FOXK1: variants seen among roughly 807,000 people sequenced by gnomAD.
FOXK1 encodes forkhead box K1, also known as forkhead box protein K1.
A neutral mutation model predicts 51.9 loss-of-function variants in FOXK1; 19 were observed. The ratio of observed to expected loss-of-function variants is 0.37; its 90% CI spans 0.26 to 0.54. The LOEUF (loss-of-function observed/expected upper bound fraction) is 0.54, where lower values mean the gene tolerates loss of function less well. Among genes scored for constraint, FOXK1 ranks in the 20% least tolerant of loss-of-function variants. FOXK1 has a pLI of 0.87. For missense variants in FOXK1, 870 were observed against 1,032.7 expected (o/e 0.84, Z 2.16); for synonymous variants, 537 against 482.6 (o/e 1.11, Z -1.48).
At chr7:4,685,683 C>T (rs1779810165) in intron 1 of FOXK1, among the ~76,000 whole-genome samples, 2 of 151,996 alleles carry the variant, frequency 1.3e-5, no homozygotes, top group Non-Finnish European at 2.9e-5. Context: ...AGCCTCACGC[C>T]TGTAATCTCA....
chr7:4,691,272 T>G (rs763459973), intron 1 of FOXK1, among the ~76,000 whole-genome samples: 5 of 152,206 alleles, frequency 3.3e-5, no homozygotes, highest in Non-Finnish European at 7.3e-5. Context: ...GTTTCATCAT[T>G]AAATCATGAA....
In FOXK1 at chr7:4,734,391, G is replaced by T. The variant is rs150809108; in HGVS notation, c.561-6447G>T. 6.6e-6 allele frequency among the ~76,000 whole-genome samples: 1 copy of T among 152,308 alleles called. No homozygotes were observed. Among genetic ancestry groups the T allele is most frequent in the Non-Finnish European group, 1.5e-5 (1 of 68,028 alleles). On this transcript the variant is annotated intron_variant, in intron 1 of 8. Transcript: ENST00000328914. This position sits in a 1 kb window ranked among gnomAD's most constrained non-coding sequence, Gnocchi z 5.2. ...TTGTGGTCCTGGCCTTGGTGGGCAG[G>T]TGCAGGGCCCGCTCCCTCCTTGGGA...
intron 1 of FOXK1, among the ~76,000 whole-genome samples, chr7:4,714,338 G>A (rs1161007751): frequency 6.6e-6 from 1 of 152,128 alleles, no homozygotes; most frequent in Non-Finnish European, 1.5e-5. Flanking sequence ...GAGTGCAATG[G>A]CGCGATCTCA....
Position 4,755,441 on chromosome 7 carries a change from A to C in FOXK1, c.1050+58A>C. ...TGAAGGCCCTTAGAACATGGAACTC[A>C]CAGGCATATTGCTTCCCTTAAAACA... On this transcript the variant is annotated intron_variant, in intron 4 of 8. Transcript: ENST00000328914. This position sits in a 1 kb window ranked among gnomAD's most constrained non-coding sequence, Gnocchi z 6.6. The C allele has an allele frequency of 3.1e-6, 5 of 1,592,880 alleles. No homozygotes were observed. The highest frequency in any genetic ancestry group is 4.3e-6 in the Non-Finnish European group (5 of 1,167,112).
At position 4,682,781 on chromosome 7, in the gene FOXK1, T is replaced by C. The variant is rs1431546988; in HGVS notation, c.473T>C (p.Phe158Ser). 1 of 1,593,858 alleles carries C rather than the reference T, an allele frequency of 6.3e-7. No homozygotes were observed. Among genetic ancestry groups the C allele is most frequent in the Non-Finnish European group, 8.5e-7 (1 of 1,176,164 alleles). The change falls in exon 1 of 9, where the codon TTC becomes TCC. Residue 158 changes from phenylalanine (F) to serine (S), a missense_variant. Phe to Ser is a radical substitution (Grantham distance 155). Coordinates refer to ENST00000328914, the MANE Select transcript of FOXK1 (RefSeq NM_001037165.2). The surrounding 1 kb of genome is among the most constrained non-coding windows in gnomAD (Gnocchi z 7.6). ...HLQLSFQEPH[F>S]YLRCLGKNGV... Reference sequence around the variant, plus strand: ...CAGCTCAGCTTCCAGGAGCCGCACTTCTACCTGCGCTGCCTCGGCAAGAAC... The same window carrying C: ...CAGCTCAGCTTCCAGGAGCCGCACTCCTACCTGCGCTGCCTCGGCAAGAAC...
In FOXK1 at chr7:4,747,321, C is replaced by T. The variant is rs1020827172; in HGVS notation, c.746+6298C>T. 1.8e-4 allele frequency among the ~76,000 whole-genome samples: 28 copies of T among 152,160 alleles called. No individual in the cohort carries two copies. The highest frequency in any genetic ancestry group is 2.9e-4 in the Non-Finnish European group (20 of 68,038). ...GAGGCGCCTGCAGACACGGAGCTGACCCCGGAACCTGCCTAGCTGCGGGGC... is the reference window on the plus strand; with the variant it reads ...GAGGCGCCTGCAGACACGGAGCTGATCCCGGAACCTGCCTAGCTGCGGGGC... On this transcript the variant is annotated intron_variant, in intron 2 of 8. Transcript: ENST00000328914. This position sits in a 1 kb window ranked among gnomAD's most constrained non-coding sequence, Gnocchi z 9.2.
At chr7:4,687,433 C>T (rs985504617) in intron 1 of FOXK1, among the ~76,000 whole-genome samples, 2 of 151,908 alleles carry the variant, frequency 1.3e-5, no homozygotes, top group Non-Finnish European at 2.9e-5. Flanking sequence ...GCTGGGATTA[C>T]AGGCGCACGT....
intron 1 of FOXK1, among the ~76,000 whole-genome samples, chr7:4,702,125 A>C (rs1780028461): frequency 6.6e-6 from 1 of 152,048 alleles, no homozygotes; most frequent in East Asian, 1.9e-4. Context: ...TATTGTACCC[A>C]CTAAGAATCC....
intron 1 of FOXK1, among the ~76,000 whole-genome samples, chr7:4,736,512 A>C (rs1437733399): frequency 6.6e-6 from 1 of 151,518 alleles, no homozygotes; most frequent in Non-Finnish European, 1.5e-5. Flanking sequence ...TCCTGGGTTC[A>C]AGCAATTCTC....
chr7:4,751,252 C>T (rs1221254561), intron 2 of FOXK1, among the ~76,000 whole-genome samples: 1 of 151,566 alleles, frequency 6.6e-6, no homozygotes, highest in Non-Finnish European at 1.5e-5. Context: ...CTCTCCTGAC[C>T]TCATGATCCA....
intron 1 of FOXK1, among the ~76,000 whole-genome samples, chr7:4,685,049 T>G (rs1470837557): frequency 6.6e-6 from 1 of 152,034 alleles, no homozygotes; most frequent in African/African-American, 2.4e-5. Context: ...GCATTAGATG[T>G]GCGTGAAGTG....
chr7:4,738,888 A>C (rs1780592920), intron 1 of FOXK1, among the ~76,000 whole-genome samples: 1 of 152,176 alleles, frequency 6.6e-6, no homozygotes, highest in Admixed American at 6.5e-5. Flanking sequence ...CCTGGCTAGC[A>C]GACCTATGGG....
rs200522707 is a variant in FOXK1 at position 4,756,110 on chromosome 7, T to TTTTG, written c.1050+743_1050+746dup. Among the ~76,000 whole-genome samples, 27 of 152,120 alleles carry TTTTG rather than the reference T, an allele frequency of 1.8e-4. No individual in the cohort carries two copies. The highest frequency in any genetic ancestry group is 3.4e-4 in the African/African-American group (14 of 41,420). ...TGTAGCGCATCCACTAGCTTTGGTT[T>TTTTG]TTTGTTTGTTTGTTTGTTTTTTGAG... On this transcript the variant is annotated intron_variant, in intron 4 of 8. Coordinates refer to ENST00000328914, the MANE Select transcript of FOXK1 (RefSeq NM_001037165.2). The surrounding 1 kb of genome is among the most constrained non-coding windows in gnomAD (Gnocchi z 4.1).
At chr7:4,760,992 G>C in intron 7 of FOXK1, 72 bp from the exon 8 acceptor site, 1 of 1,455,754 alleles carries the variant, frequency 6.9e-7, no homozygotes, top group South Asian at 1.2e-5. Flanking sequence ...TGTCCGACCT[G>C]CTGCCCAGGC....
intron 1 of FOXK1, among the ~76,000 whole-genome samples, chr7:4,685,752 G>A (rs1444184518): frequency 7.9e-5 from 12 of 151,948 alleles, no homozygotes; most frequent in African/African-American, 2.7e-4. Flanking sequence ...AGACCACCCT[G>A]GCCAATGTGG....
Position 4,755,061 on chromosome 7 carries a change from G to T in FOXK1, c.904-176G>T. 4.2e-6 allele frequency: 3 copies of T among 716,136 alleles called. No homozygotes were observed. The highest frequency in any genetic ancestry group is 4.3e-5 in the South Asian group (2 of 46,524). 44.4% of individuals were successfully genotyped at this position (716,136 alleles called of 1,614,324 possible). A position where few individuals can be genotyped will look rare whatever the true frequency, so the allele number is the denominator to read the frequency against. ...TTTTCCTTCCCATGAGGCAAAAATG[G>T]TTGTTCCTAGTTGAATGCAAGCACA... On this transcript the variant is annotated intron_variant, in intron 3 of 8. Coordinates refer to ENST00000328914, the MANE Select transcript of FOXK1 (RefSeq NM_001037165.2). This position sits in a 1 kb window ranked among gnomAD's most constrained non-coding sequence, Gnocchi z 6.6.
In FOXK1 at chr7:4,758,939, G is replaced by C; in HGVS notation, c.1245-112G>C. On this transcript the variant is annotated intron_variant, in intron 5 of 8. Transcript: ENST00000328914. The surrounding 1 kb of genome is among the most constrained non-coding windows in gnomAD (Gnocchi z 4.4). ...CCGTCTGAATGCGGAGGACAGAGACGAGCTCCAGGGAGCGTGGGCGGGTGA... is the reference window on the plus strand; with the variant it reads ...CCGTCTGAATGCGGAGGACAGAGACCAGCTCCAGGGAGCGTGGGCGGGTGA... 4 of 1,168,252 alleles carry C rather than the reference G, an allele frequency of 3.4e-6. No individual in the cohort carries two copies. The highest frequency in any genetic ancestry group is 3.6e-6 in the Non-Finnish European group (3 of 841,066). The allele number at this position is 1,168,252 out of a possible 1,614,324, so 72.4% of individuals were successfully genotyped here. A position where few individuals can be genotyped will look rare whatever the true frequency, so the allele number is the denominator to read the frequency against.
rs891406819 is a variant in FOXK1 at position 4,763,392 on chromosome 7, C to T, written c.*928C>T. ...GCTCCGATGTCCCGGTGCTGACGGCCACATGGGGACCTAACAGTGCCAAAC... is the reference window on the plus strand; with the variant it reads ...GCTCCGATGTCCCGGTGCTGACGGCTACATGGGGACCTAACAGTGCCAAAC... On this transcript the variant is annotated 3_prime_UTR_variant, in exon 9 of 9. Coordinates refer to ENST00000328914, the MANE Select transcript of FOXK1 (RefSeq NM_001037165.2). 6.6e-6 allele frequency: 1 copy of T among 152,334 alleles called. No individual in the cohort carries two copies. The highest frequency in any genetic ancestry group is 1.5e-5 in the Non-Finnish European group (1 of 68,140). 9.4% of individuals were successfully genotyped at this position (152,334 alleles called of 1,614,324 possible). A position where few individuals can be genotyped will look rare whatever the true frequency, so the allele number is the denominator to read the frequency against.
rs1440243905 is a variant in FOXK1, at chr7:4,764,433, C to G, written c.*1969C>G. On this transcript the variant is annotated 3_prime_UTR_variant, in exon 9 of 9. Transcript: ENST00000328914. ...ACGGGGGCAGGATGAACACAGCCGG[C>G]TGTCCTGGGTGCAGTTACGTCCGTG... The G allele has an allele frequency of 6.5e-6, 1 of 154,518 alleles. No homozygotes were observed. The highest frequency in any genetic ancestry group is 2.4e-5 in the African/African-American group (1 of 41,548). The allele number at this position is 154,518 out of a possible 1,614,324, so 9.6% of individuals were successfully genotyped here.
Sources: allele counts gnomAD v4.1 joint callset (sites outside exome capture counted in the v4.1 genomes callset), GRCh38; gene constraint gnomAD v4.1.1; non-coding constraint Gnocchi (gnomAD v3.1); transcripts MANE v1.5; gene names NCBI Gene and HGNC (gene_info 2026-07-23, HGNC 2026-07-21).